The following LRP6 variants were observed in gnomAD, a reference collection of about 807,000 sequenced individuals.
LRP6 encodes low-density lipoprotein receptor-related protein 6.
LRP6 carries 43 observed loss-of-function variants against 184.1 expected under a neutral mutation model. The ratio of observed to expected loss-of-function variants is 0.23; its 90% confidence interval spans 0.18 to 0.30. The LOEUF (loss-of-function observed/expected upper bound fraction) is 0.30, where lower values mean the gene tolerates loss of function less well. LRP6 is among the 10% of genes least tolerant of loss of function. The pLI is 1.00. For synonymous variants in LRP6, 719 were observed against 684.9 expected (o/e 1.05, Z -0.78); for missense variants, 1,571 against 2,005.3 (o/e 0.78, Z 4.14).
chr12:12,227,869 G>A (rs776446040), intron 2 of LRP6, among the ~76,000 whole-genome samples: 11 of 152,168 alleles, frequency 7.2e-5, no homozygotes, highest in Non-Finnish European at 1.3e-4. Flanking sequence ...AGCCAATTCT[G>A]TTGTAAGTCC....
chr12:12,237,409 A>G (rs2135904851), intron 2 of LRP6, among the ~76,000 whole-genome samples: 1 of 152,376 alleles, frequency 6.6e-6, no homozygotes, highest in East Asian at 1.9e-4. Context: ...AGCAAACATC[A>G]CAGTAATAAT....
intron 3 of LRP6, among the ~76,000 whole-genome samples, chr12:12,189,373 A>C (rs941592030): frequency 6.6e-6 from 1 of 152,238 alleles, no homozygotes; most frequent in Non-Finnish European, 1.5e-5. Flanking sequence ...TTTAAGACAC[A>C]TATTTTCAAT....
Position 12,151,951 on chromosome 12 carries a change from A to G in LRP6, c.2792-913T>C, listed in dbSNP as rs1950087338. On this transcript the variant is annotated intron_variant, in intron 12 of 22. Coordinates refer to ENST00000261349, the MANE Select transcript of LRP6 (RefSeq NM_002336.3). ...ATACTATTTTGTTGTTTATGTGAGG[A>G]CGGCATGGAAAGAGAGCAGGTAAAA... Among the ~76,000 whole-genome samples the G allele has an allele frequency of 2.0e-5, 3 of 152,148 alleles. No individual in the cohort carries two copies. The South Asian group carries it at 6.2e-4, about 32-fold the overall frequency.
rs150207871 is a variant in LRP6 at position 12,243,961 on chromosome 12, A to G, written c.449+301T>C. Among the ~76,000 whole-genome samples, 11 of 152,262 alleles carry G rather than the reference A, an allele frequency of 7.2e-5. No individual in the cohort carries two copies. In the East Asian group the frequency reaches 7.7e-4, roughly 11 times the overall value. On this transcript the variant is annotated intron_variant, in intron 2 of 22. Transcript: ENST00000261349. ...TAGCCAGGTGTGGTAGCGCACACCT[A>G]AAGTCCCAGCTACTTGGGAGGCTGA...
At chr12:12,171,381 G>A (rs1863037997) in intron 7 of LRP6, among the ~76,000 whole-genome samples, 1 of 151,982 alleles carries the variant, frequency 6.6e-6, no homozygotes, top group African/African-American at 2.4e-5. Flanking sequence ...AACTAGCCAG[G>A]CGTGGTGGCG....
Position 12,119,855 on chromosome 12 carries a change from C to G in LRP6, c.*1271G>C, listed in dbSNP as rs902245186. 1 of 150,606 alleles carries G rather than the reference C, an allele frequency of 6.6e-6. No individual in the cohort carries two copies. 9.3% of individuals were successfully genotyped at this position (150,606 alleles called of 1,614,324 possible). A position where few individuals can be genotyped will look rare whatever the true frequency, so the allele number is the denominator to read the frequency against. ...ATGTAGACATTATTCTGAGAAAAAC[C>G]GGTCTAAAGAACATGAAAACATCAC... On this transcript the variant is annotated 3_prime_UTR_variant, in exon 23 of 23. Coordinates refer to ENST00000261349, the MANE Select transcript of LRP6 (RefSeq NM_002336.3).
In LRP6 at chr12:12,135,431, T is replaced by C. The variant is rs1043994350; in HGVS notation, c.3608-131A>G. 9.0e-6 allele frequency: 4 copies of C among 443,030 alleles called. No individual in the cohort carries two copies. The Admixed American group carries it at 1.5e-4, about 16-fold the overall frequency. 27.4% of individuals were successfully genotyped at this position (443,030 alleles called of 1,614,324 possible). On this transcript the variant is annotated intron_variant, in intron 16 of 22. Transcript: ENST00000261349. ...TCAAATGTATAATCAGCTTGGACTC[T>C]TTTTTTTTACTTTTATTATTATTAT...
chr12:12,184,413 A>AAAAC (rs56218606), intron 4 of LRP6, among the ~76,000 whole-genome samples: 12 of 143,772 alleles, frequency 8.3e-5, no homozygotes, highest in African/African-American at 2.4e-4. Context: ...AACAAACAAA[A>AAAAC]CCAATAAAAC....
rs751265730 is a variant in LRP6, at chr12:12,164,483, G to A, written c.1842C>T (p.Cys614=). Residue 614 remains cysteine, a synonymous_variant, in exon 9 of 23, where the codon TGC becomes TGT. Coordinates refer to ENST00000261349, the MANE Select transcript of LRP6 (RefSeq NM_002336.3). ...LYRPQGLRCA[C]PIGFELISDM... ...CACTGATGAGTTCAAAGCCAATAGG[G>A]CAAGCACAGCGAAGGCCCTGAGGTC... The A allele has an allele frequency of 3.7e-6, 6 of 1,614,008 alleles. No individual in the cohort carries two copies. The highest frequency in any genetic ancestry group is 2.7e-5 in the African/African-American group (2 of 74,904).
chr12:12,124,137 G>A (rs1423655032), intron 22 of LRP6, among the ~76,000 whole-genome samples: 1 of 151,998 alleles, frequency 6.6e-6, no homozygotes. Context: ...ACTTTGGGAG[G>A]CCAAGGCAGG....
rs1340899254 is a variant in LRP6 at position 12,162,203 on chromosome 12, G to A, written c.2269C>T (p.Pro757Ser). The A allele has an allele frequency of 1.2e-6, 2 of 1,613,962 alleles. No individual in the cohort carries two copies. Among genetic ancestry groups the A allele is most frequent in the Non-Finnish European group, 1.7e-6 (2 of 1,179,904 alleles). ...LDSPRALALD[P>S]AEGFMYWTEW... Reference sequence around the variant, plus strand: ...TGTAAAGCTGTTTACCCTTCGGCAGGGTCCAACGCGAGAGCTCTGGGACTA... The same window carrying A: ...TGTAAAGCTGTTTACCCTTCGGCAGAGTCCAACGCGAGAGCTCTGGGACTA... The change falls in exon 10 of 23, where the codon CCT becomes TCT. Residue 757 changes from proline (P) to serine (S), a missense_variant. Pro to Ser is a moderately conservative substitution (Grantham distance 74). Coordinates refer to ENST00000261349, the MANE Select transcript of LRP6 (RefSeq NM_002336.3).
chr12:12,178,216 A>C (rs1041360474), intron 7 of LRP6, among the ~76,000 whole-genome samples: 2 of 152,170 alleles, frequency 1.3e-5, no homozygotes, highest in African/African-American at 4.8e-5. Flanking sequence ...ATAAATTGTA[A>C]TGTCTTTATC....
At position 12,218,769 on chromosome 12, in the gene LRP6, C is replaced by T. The variant is rs530383369; in HGVS notation, c.450-15369G>A. On this transcript the variant is annotated intron_variant, in intron 2 of 22. Coordinates refer to ENST00000261349, the MANE Select transcript of LRP6 (RefSeq NM_002336.3). ...ACTTCAGCCCAGGTGTTTGAGGCTG[C>T]AGTAAGCTATGACCATGCCACTGTA... Among the ~76,000 whole-genome samples the T allele has an allele frequency of 1.2e-4, 18 of 152,110 alleles. No homozygotes were observed. The South Asian group carries it at 3.7e-3, about 32-fold the overall frequency.
intron 7 of LRP6, among the ~76,000 whole-genome samples, chr12:12,175,639 C>G (rs994216598): frequency 6.6e-6 from 1 of 151,018 alleles, no homozygotes; most frequent in Admixed American, 6.6e-5. Context: ...TGCAGTGAGC[C>G]GAGATCGCGC....
chr12:12,216,775 A>G (rs926583871), intron 2 of LRP6, among the ~76,000 whole-genome samples: 5 of 151,932 alleles, frequency 3.3e-5, no homozygotes, highest in African/African-American at 9.7e-5. Flanking sequence ...CCTTAAGGCC[A>G]TTTTCCAGAA....
chr12:12,166,004 G>T (rs1175622851), intron 7 of LRP6, among the ~76,000 whole-genome samples: 1 of 152,116 alleles, frequency 6.6e-6, no homozygotes, highest in Admixed American at 6.5e-5. Context: ...TGTATTCACA[G>T]TGCATTCACC....
chr12:12,116,776 T>G lies in LRP6; in HGVS notation c.*4350A>C, dbSNP rs1052788940. ...TTTTTCAGCAATAAACTCAACAATTTGAGAATGCTTTATGAAAAAGAAAAA... is the reference window on the plus strand; with the variant it reads ...TTTTTCAGCAATAAACTCAACAATTGGAGAATGCTTTATGAAAAAGAAAAA... On this transcript the variant is annotated 3_prime_UTR_variant, in exon 23 of 23. Coordinates refer to ENST00000261349, the MANE Select transcript of LRP6 (RefSeq NM_002336.3). 1.3e-5 allele frequency: 2 copies of G among 152,092 alleles called. No individual in the cohort carries two copies. Among genetic ancestry groups the G allele is most frequent in the Non-Finnish European group, 2.9e-5 (2 of 68,014 alleles). 9.4% of individuals were successfully genotyped at this position (152,092 alleles called of 1,614,324 possible).
At chr12:12,235,565 T>C (rs1056872418) in intron 2 of LRP6, among the ~76,000 whole-genome samples, 1 of 151,864 alleles carries the variant, frequency 6.6e-6, no homozygotes, top group Non-Finnish European at 1.5e-5. Context: ...ACCCCGTCTC[T>C]ACTAAAAAAA....
intron 15 of LRP6, among the ~76,000 whole-genome samples, chr12:12,141,405 C>T (rs191736344): frequency 2.6e-5 from 4 of 152,144 alleles, no homozygotes; most frequent in East Asian, 1.9e-4. Context: ...GTTCTATTTT[C>T]GAAATTCTGA....
Sources: gnomAD v4.1 joint callset for allele counts (sites outside exome capture counted in the v4.1 genomes callset) on GRCh38, gnomAD v4.1.1 for gene constraint, MANE v1.5 for transcripts, NCBI Gene and HGNC (gene_info 2026-07-23, HGNC 2026-07-21) for gene names.